EVI5: variants seen among roughly 807,000 people sequenced by gnomAD.
EVI5 encodes the protein ecotropic viral integration site 5, also known as ecotropic viral integration site 5 protein homolog.
A neutral mutation model predicts 112.0 loss-of-function variants in EVI5; 73 were observed. That is an observed-to-expected ratio of 0.65 (90% CI 0.54 to 0.79). EVI5 has a LOEUF of 0.79. Ranked by LOEUF, EVI5 falls within the 30% of genes least tolerant of loss-of-function variation. EVI5 has a pLI of 0.00. For synonymous variants in EVI5, 305 were observed against 319.9 expected (o/e 0.95, Z 0.50); for missense variants, 900 against 968.8 (o/e 0.93, Z 0.94).
At chr1:92,643,723 A>G (rs929653606) in intron 13 of EVI5, among the ~76,000 whole-genome samples, 2 of 152,240 alleles carry the variant, frequency 1.3e-5, no homozygotes, top group Non-Finnish European at 2.9e-5. Context: ...ATTAGTTAAA[A>G]ATAAACTTTA....
intron 6 of EVI5, 146 bp downstream of exon 6, chr1:92,697,714 C>T: frequency 3.0e-6 from 2 of 674,864 alleles, no homozygotes; most frequent in South Asian, 4.0e-5. Context: ...TGTACATTAA[C>T]CAACCAAAAA....
At chr1:92,599,277 C>T (rs1226725411) in intron 18 of EVI5, among the ~76,000 whole-genome samples, 2 of 151,822 alleles carry the variant, frequency 1.3e-5, no homozygotes, top group East Asian at 3.9e-4. Flanking sequence ...TGAAAGAATT[C>T]GGTTTGTGCA....
At chr1:92,663,381 A>G in intron 12 of EVI5, 39 bp downstream of exon 12, 2 of 1,061,538 alleles carry the variant, frequency 1.9e-6, no homozygotes, top group Non-Finnish European at 2.7e-6. Context: ...GAAGTTAGAG[A>G]AGATGTTTTA....
chr1:92,553,695 T>C (rs1298748062), intron 19 of EVI5, among the ~76,000 whole-genome samples: 1 of 151,898 alleles, frequency 6.6e-6, no homozygotes, highest in African/African-American at 2.4e-5. Context: ...CGGTCTCACA[T>C]AGTGGTGGAA....
chr1:92,784,315 T>C, intron 1 of EVI5: 25 of 985,410 alleles, frequency 2.5e-5, no homozygotes, highest in Non-Finnish European at 2.9e-5. Context: ...CAGGAATGGC[T>C]ACAAACTCTT....
At chr1:92,745,529 A>G (rs1679130282) in intron 1 of EVI5, among the ~76,000 whole-genome samples, 1 of 152,176 alleles carries the variant, frequency 6.6e-6, no homozygotes, top group Non-Finnish European at 1.5e-5. Context: ...AGAAAGAAAA[A>G]CAGGCCACAT....
chr1:92,529,140 T>C (rs1662423560), intron 19 of EVI5, among the ~76,000 whole-genome samples: 2 of 152,202 alleles, frequency 1.3e-5, no homozygotes, highest in Non-Finnish European at 2.9e-5. Flanking sequence ...GCCTAACACT[T>C]TCCTGTTTAG....
At chr1:92,537,013 G>A (rs1232698401) in intron 19 of EVI5, among the ~76,000 whole-genome samples, 1 of 151,776 alleles carries the variant, frequency 6.6e-6, no homozygotes, top group Non-Finnish European at 1.5e-5. Flanking sequence ...AATTTCCCCT[G>A]TGTGTGACTG....
At chr1:92,666,020 C>G in intron 10 of EVI5, 28 bp from the exon 11 acceptor site, 1 of 1,512,386 alleles carries the variant, frequency 6.6e-7, no homozygotes, top group Non-Finnish European at 9.0e-7. Flanking sequence ...GTTTTATTTG[C>G]AAGCATTTTT....
intron 19 of EVI5, among the ~76,000 whole-genome samples, chr1:92,536,514 T>C (rs995152286): frequency 1.3e-5 from 2 of 152,216 alleles, no homozygotes; most frequent in Non-Finnish European, 2.9e-5. Flanking sequence ...TCATTGAAAT[T>C]CTACAGCAGG....
At chr1:92,732,440 T>C (rs1676627562) in intron 2 of EVI5, 1 of 230,516 alleles carries the variant, frequency 4.3e-6, no homozygotes, top group Non-Finnish European at 8.6e-6. Flanking sequence ...TGCATTGAAA[T>C]TGAGGATATA....
At chr1:92,784,805 G>C (rs1432645861) in intron 1 of EVI5, 31 bp downstream of exon 1, 1 of 984,842 alleles carries the variant, frequency 1.0e-6, no homozygotes, top group Non-Finnish European at 1.2e-6. Flanking sequence ...CCGGCCTCCC[G>C]GCCCGCCCGG....
chr1:92,522,565 G>T (rs905650687), intron 19 of EVI5, among the ~76,000 whole-genome samples: 1 of 132,048 alleles, frequency 7.6e-6, no homozygotes, highest in Non-Finnish European at 1.5e-5. Context: ...CCTGGGAGGC[G>T]GGGGTTCACT....
intron 1 of EVI5, among the ~76,000 whole-genome samples, chr1:92,765,425 C>A (rs528471084): frequency 6.6e-6 from 1 of 151,138 alleles, no homozygotes; most frequent in Non-Finnish European, 1.5e-5. Flanking sequence ...ATATTGACCA[C>A]CAAAACATAT....
At chr1:92,700,291 C>A (rs1243615919) in intron 5 of EVI5, among the ~76,000 whole-genome samples, 1 of 152,200 alleles carries the variant, frequency 6.6e-6, no homozygotes, top group East Asian at 1.9e-4. Context: ...ATATACAAAA[C>A]ATACATACTT....
intron 2 of EVI5, among the ~76,000 whole-genome samples, chr1:92,723,670 G>A (rs1373733274): frequency 1.3e-5 from 2 of 152,094 alleles, no homozygotes; most frequent in Middle Eastern, 3.2e-3. Context: ...GAAAATCAGT[G>A]CACCCTGAAA....
chr1:92,695,990 G>A (rs975320705), intron 6 of EVI5, among the ~76,000 whole-genome samples: 1 of 151,730 alleles, frequency 6.6e-6, no homozygotes, highest in Non-Finnish European at 1.5e-5. Context: ...GGGTACAGTG[G>A]TGTGATCTTG....
At position 92,513,786 on chromosome 1, in the gene EVI5, A is replaced by G. The variant is rs1463700750; in HGVS notation, c.2351T>C (p.Leu784Ser). 1.1e-5 allele frequency: 17 copies of G among 1,613,626 alleles called. No homozygotes were observed. Among genetic ancestry groups the G allele is most frequent in the Non-Finnish European group, 1.4e-5 (17 of 1,179,882 alleles). The change falls in exon 20 of 20, where the codon TTG becomes TCG. Residue 784 changes from leucine (L) to serine (S), a missense_variant. Transcript: ENST00000684568. ...ACTACCATCTGCCACTGCGGGGTCC[A>G]AAGACATCGAACCAGATTTTCCGTG... ...PLHGKSGSMS[L>S]DPAVADGSES... is the part of the protein sequence containing the mutation.
At chr1:92,694,960 C>T (rs1024715015) in intron 7 of EVI5, among the ~76,000 whole-genome samples, 1 of 147,542 alleles carries the variant, frequency 6.8e-6, no homozygotes, top group Non-Finnish European at 1.6e-5. Context: ...TTACCTCTCA[C>T]TAACTTTCAC....
Sources: gnomAD v4.1 joint callset for allele counts (sites outside exome capture counted in the v4.1 genomes callset) on GRCh38, gnomAD v4.1.1 for gene constraint, MANE v1.5 for transcripts, NCBI Gene and HGNC (gene_info 2026-07-23, HGNC 2026-07-21) for gene names.